The following FGFR2 variants were observed in gnomAD, a reference collection of about 807,000 sequenced individuals.
FGFR2 encodes the protein fibroblast growth factor receptor 2.
Under a neutral mutation model 95.9 loss-of-function variants are expected in FGFR2, and 19 were observed. That is an observed-to-expected ratio of 0.20 (90% CI 0.14 to 0.29). The LOEUF (loss-of-function observed/expected upper bound fraction) is 0.29. Ranked by LOEUF, FGFR2 falls within the 10% of genes least tolerant of loss-of-function variation. The probability of loss-of-function intolerance (pLI) is 1.00; values close to 1 mark genes in which losing one functional copy is unlikely to be tolerated. For missense variants in FGFR2, 707 were observed against 1,056.9 expected, an observed-to-expected ratio of 0.67 and a Z score of 4.59; for synonymous variants, 392 against 393.3, an observed-to-expected ratio of 1.00 and a Z score of 0.04.
intron 13 of FGFR2, among the ~76,000 whole-genome samples, chr10:121,490,848 C>CACACGCTT (rs1846040906): frequency 6.6e-6 from 1 of 152,190 alleles, no homozygotes; most frequent in African/African-American, 2.4e-5. Context: ...TTCTGGGCCT[C>CACACGCTT]CCGGGTAGCC....
At chr10:121,560,352 C>T (rs573383480) in intron 4 of FGFR2, among the ~76,000 whole-genome samples, 63 of 152,174 alleles carry the variant, frequency 4.1e-4, no homozygotes, top group African/African-American at 1.4e-3. Flanking sequence ...CCGTGGCTCA[C>T]GCCTGTAATC....
At chr10:121,552,278 CACA>C (rs1855520935) in intron 4 of FGFR2, among the ~76,000 whole-genome samples, 1 of 152,144 alleles carries the variant, frequency 6.6e-6, no homozygotes, top group African/African-American at 2.4e-5. Context: ...AAATAAAAGC[CACA>C]ACATCAAGCC....
chr10:121,518,776 G>C lies in FGFR2; in HGVS notation c.939+1203C>G, dbSNP rs752595302. 1.2e-6 allele frequency: 2 copies of C among 1,614,086 alleles called. No homozygotes were observed. The highest frequency in any genetic ancestry group is 2.7e-5 in the African/African-American group (2 of 75,020). ...ATATATATTCCCCAGCATCCGCCTC[G>C]GTCACATTGAACAGAGCCAGCACTT... On this transcript the variant is annotated intron_variant, in intron 7 of 17. Transcript: ENST00000358487. This position sits in a 1 kb window ranked among gnomAD's most constrained non-coding sequence, Gnocchi z 4.0.
intron 5 of FGFR2, among the ~76,000 whole-genome samples, chr10:121,547,931 G>A (rs1057409814): frequency 6.6e-6 from 1 of 152,182 alleles, no homozygotes; most frequent in Non-Finnish European, 1.5e-5. Context: ...CATCATTAGC[G>A]AAGATGATGC....
At chr10:121,581,920 T>C (rs992690746) in intron 2 of FGFR2, among the ~76,000 whole-genome samples, 7 of 137,966 alleles carry the variant, frequency 5.1e-5, no homozygotes, top group Non-Finnish European at 1.1e-4. Flanking sequence ...TTTATTTTTG[T>C]TTATTTATTT....
chr10:121,526,946 G>A, intron 6 of FGFR2: 1 of 393,186 alleles, frequency 2.5e-6, no homozygotes, highest in East Asian at 3.6e-5. Context: ...TTTGCAGAGA[G>A]AGTGAAGTCT....
intron 6 of FGFR2, among the ~76,000 whole-genome samples, chr10:121,525,444 T>C (rs1408035868): frequency 6.6e-6 from 1 of 152,010 alleles, no homozygotes. Context: ...TCTCTCTCAC[T>C]CTCGGTCTCG....
rs189063367 is a variant in FGFR2, at chr10:121,478,717, C to T, written c.*1140G>A. 24 of 233,498 alleles carry T rather than the reference C, an allele frequency of 1.0e-4. No individual in the cohort carries two copies. Among genetic ancestry groups the T allele is most frequent in the South Asian group, 3.6e-4 (2 of 5,530 alleles). 14.5% of individuals were successfully genotyped at this position (233,498 alleles called of 1,614,324 possible). ...GATGGGACTTGAAGATCCTAACAGGCGTCTCCAACGCCAAAGAGTCTGGAA... is the reference window on the plus strand; with the variant it reads ...GATGGGACTTGAAGATCCTAACAGGTGTCTCCAACGCCAAAGAGTCTGGAA... On this transcript the variant is annotated 3_prime_UTR_variant, in exon 18 of 18. Coordinates refer to ENST00000358487, the MANE Select transcript of FGFR2 (RefSeq NM_000141.5).
In FGFR2 at chr10:121,514,208, T is replaced by C. The variant is rs147901947; in HGVS notation, c.1287+909A>G. ...TGAGTTTGCTGTTTTACTTGCTATT[T>C]CAAAAGAAACCTTTATCAGAACCAA... On this transcript the variant is annotated intron_variant, in intron 9 of 17. Coordinates refer to ENST00000358487, the MANE Select transcript of FGFR2 (RefSeq NM_000141.5). 3.3e-3 allele frequency among the ~76,000 whole-genome samples: 501 copies of C among 152,334 alleles called. 2 individuals carry two copies. Among genetic ancestry groups the C allele is most frequent in the African/African-American group, 7.4e-3 (309 of 41,568 alleles).
intron 2 of FGFR2, among the ~76,000 whole-genome samples, chr10:121,567,009 G>A (rs1474268549): frequency 6.6e-6 from 1 of 152,162 alleles, no homozygotes; most frequent in Non-Finnish European, 1.5e-5. Context: ...CATCCCTCCA[G>A]TGAGAAGTGT....
chr10:121,554,972 C>T (rs1358515271), intron 4 of FGFR2, among the ~76,000 whole-genome samples: 1 of 152,178 alleles, frequency 6.6e-6, no homozygotes, highest in Non-Finnish European at 1.5e-5. Flanking sequence ...TAACAACTCT[C>T]ATTTGGAGAA....
At chr10:121,567,422 G>A (rs114709695) in intron 2 of FGFR2, among the ~76,000 whole-genome samples, 4 of 152,328 alleles carry the variant, frequency 2.6e-5, no homozygotes, top group South Asian at 2.1e-4. Flanking sequence ...CCCAGCTGAC[G>A]GGCAGGTTAT....
At chr10:121,571,293 C>CTTTTTTTTTTTT (rs1564712761) in intron 2 of FGFR2, among the ~76,000 whole-genome samples, 1 of 87,110 alleles carries the variant, frequency 1.1e-5, no homozygotes, top group Non-Finnish European at 2.2e-5. Context: ...CCGTGCCTGG[C>CTTTTTTTTTTTT]CTTTTTTTTT....
Position 121,504,736 on chromosome 10 carries a change from C to T in FGFR2, c.1288-795G>A, listed in dbSNP as rs550023439. Among the ~76,000 whole-genome samples the T allele has an allele frequency of 4.6e-5, 7 of 152,286 alleles. No homozygotes were observed. The South Asian group carries it at 1.2e-3, about 27-fold the overall frequency. ...CACCTGGCAGTACACAGGGCTCCACCGAGTTACTTTCTTGTTTATCCTGAT... is the reference window on the plus strand; with the variant it reads ...CACCTGGCAGTACACAGGGCTCCACTGAGTTACTTTCTTGTTTATCCTGAT... On this transcript the variant is annotated intron_variant, in intron 9 of 17. Transcript: ENST00000358487.
chr10:121,515,024 A>T, intron 9 of FGFR2, 93 bp downstream of exon 9: 1 of 1,212,336 alleles, frequency 8.2e-7, no homozygotes, highest in Non-Finnish European at 1.2e-6. Context: ...GGAAGCTCAC[A>T]GAAGTCGATG....
intron 1 of FGFR2, among the ~76,000 whole-genome samples, chr10:121,597,600 G>A (rs899595458): frequency 1.3e-5 from 2 of 152,240 alleles, no homozygotes; most frequent in African/African-American, 4.8e-5. Flanking sequence ...GAACCGGCCT[G>A]CGGGGCTGTG....
At chr10:121,585,370 G>A (rs1352978875) in intron 2 of FGFR2, among the ~76,000 whole-genome samples, 1 of 152,204 alleles carries the variant, frequency 6.6e-6, no homozygotes, top group Non-Finnish European at 1.5e-5. Context: ...ATTGGTCCAG[G>A]AAATATTGGT....
Position 121,503,795 on chromosome 10 carries a change from T to A in FGFR2, c.1434A>T (p.Arg478Ser). Residue 478 changes from arginine (R) to serine (S), a missense_variant, in exon 10 of 18, where the codon AGA becomes AGT. Transcript: ENST00000358487. Reference protein sequence around the residue: ...LPEDPKWEFPRDKLTLGKPLG... With the variant: ...LPEDPKWEFPSDKLTLGKPLG... ...TGGCCAAGAGAAGTACTCACTTATCTCTTGGAAACTCCCATTTTGGGTCCT... is the reference window on the plus strand; with the variant it reads ...TGGCCAAGAGAAGTACTCACTTATCACTTGGAAACTCCCATTTTGGGTCCT... 1 of 1,614,118 alleles carries A rather than the reference T, an allele frequency of 6.2e-7. No homozygotes were observed. The highest frequency in any genetic ancestry group is 8.5e-7 in the Non-Finnish European group (1 of 1,180,012).
intron 4 of FGFR2, among the ~76,000 whole-genome samples, chr10:121,552,140 G>A (rs537490451): frequency 6.6e-6 from 1 of 152,078 alleles, no homozygotes; most frequent in East Asian, 1.9e-4. Context: ...GATAACTTAA[G>A]AGGAGGCTAC....
Sources: allele counts gnomAD v4.1 joint callset (sites outside exome capture counted in the v4.1 genomes callset), GRCh38; gene constraint gnomAD v4.1.1; non-coding constraint Gnocchi (gnomAD v3.1); transcripts MANE v1.5; gene names NCBI Gene and HGNC (gene_info 2026-07-23, HGNC 2026-07-21).